FRMD4A: variants seen among roughly 807,000 people sequenced by gnomAD.
FRMD4A encodes the protein FERM domain-containing protein 4A.
A neutral mutation model predicts 129.1 loss-of-function variants in FRMD4A; 29 were observed. The ratio of observed to expected loss-of-function variants is 0.22; its 90% confidence interval spans 0.17 to 0.31. The LOEUF is 0.31. FRMD4A is among the 10% of genes least tolerant of loss of function. The pLI, the probability that FRMD4A is intolerant of heterozygous loss-of-function variation, is 1.00. For synonymous variants in FRMD4A, 634 were observed against 571.6 expected (o/e 1.11, Z -1.56); for missense variants, 1,272 against 1,375.8 (o/e 0.92, Z 1.19).
intron 2 of FRMD4A, among the ~76,000 whole-genome samples, chr10:14,028,963 C>A (rs553322460): frequency 1.7e-4 from 26 of 152,274 alleles, no homozygotes; most frequent in Admixed American, 5.2e-4. Context: ...CCACTTTAAC[C>A]GTTGATCAAA....
Position 13,657,198 on chromosome 10 carries a change from G to A in FRMD4A, c.2391C>T (p.Ser797=). The A allele has an allele frequency of 6.5e-6, 10 of 1,527,572 alleles. No individual in the cohort carries two copies. The highest frequency in any genetic ancestry group is 8.7e-6 in the Non-Finnish European group (10 of 1,144,072). The allele number at this position is 1,527,572 out of a possible 1,614,324, so 94.6% of individuals were successfully genotyped here. ...QRAAGALGSA[S]SGSMPNLAAR... ...CCGCCAGGTTGGGCATGCTGCCCGA[G>A]CTGGCTGAGCCCAGTGCGCCCGCCG... is the stretch of plus-strand genomic sequence containing the variant. The change falls in exon 22 of 25, where the codon AGC becomes AGT. Residue 797 remains serine (S), a synonymous_variant. Coordinates refer to ENST00000357447, the MANE Select transcript of FRMD4A (RefSeq NM_018027.5).
chr10:13,723,350 C>A (rs1056275981), intron 12 of FRMD4A, among the ~76,000 whole-genome samples: 2 of 152,158 alleles, frequency 1.3e-5, no homozygotes, highest in Non-Finnish European at 2.9e-5. Flanking sequence ...TATTAAAACC[C>A]TATGGTTACT....
intron 2 of FRMD4A, among the ~76,000 whole-genome samples, chr10:13,905,991 C>T (rs996060996): frequency 1.3e-5 from 2 of 152,206 alleles, no homozygotes; most frequent in African/African-American, 4.8e-5. Context: ...AGAATCATGG[C>T]ACCCGAGCAG....
At chr10:14,184,734 A>G (rs1842031347) in intron 2 of FRMD4A, among the ~76,000 whole-genome samples, 1 of 152,136 alleles carries the variant, frequency 6.6e-6, no homozygotes, top group African/African-American at 2.4e-5. Flanking sequence ...AAGTAGCCCA[A>G]ATGTGTGGCT....
chr10:13,929,872 C>T (rs753443816), intron 2 of FRMD4A, among the ~76,000 whole-genome samples: 11 of 152,016 alleles, frequency 7.2e-5, no homozygotes, highest in Non-Finnish European at 1.5e-4. Context: ...TGTCAGTTTG[C>T]TCATCTATCA....
rs373237345 is a variant in FRMD4A, at chr10:13,719,867, C to T, written c.760-12754G>A. ...CAATTCACTCAAGATATCCTCATTA[C>T]TCTGTGTTCTTTTGGTGCTATGGAC... On this transcript the variant is annotated intron_variant, in intron 12 of 24. Transcript: ENST00000357447. 5.9e-5 allele frequency among the ~76,000 whole-genome samples: 9 copies of T among 152,312 alleles called. No individual in the cohort carries two copies. The East Asian group carries it at 1.5e-3, about 26-fold the overall frequency.
At chr10:13,930,971 T>A (rs1284650788) in intron 2 of FRMD4A, among the ~76,000 whole-genome samples, 1 of 152,104 alleles carries the variant, frequency 6.6e-6, no homozygotes, top group Non-Finnish European at 1.5e-5. Flanking sequence ...TAGCTGGGAC[T>A]ACAGGTGCAC....
intron 2 of FRMD4A, among the ~76,000 whole-genome samples, chr10:13,963,464 A>T (rs1467052349): frequency 6.6e-6 from 1 of 152,162 alleles, no homozygotes; most frequent in Non-Finnish European, 1.5e-5. Context: ...CACATGTGGA[A>T]ACGTTTGGTT....
intron 3 of FRMD4A, among the ~76,000 whole-genome samples, chr10:13,835,514 C>T (rs1330934335): frequency 6.6e-6 from 1 of 152,090 alleles, no homozygotes; most frequent in African/African-American, 2.4e-5. Context: ...TATAGCAGCT[C>T]CCCATCGCGC....
At chr10:14,324,504 T>C (rs953530534) in intron 2 of FRMD4A, among the ~76,000 whole-genome samples, 4 of 152,224 alleles carry the variant, frequency 2.6e-5, no homozygotes, top group Non-Finnish European at 5.9e-5. Context: ...CATGCCTGGA[T>C]GGCCCCATTC....
chr10:14,292,702 A>C (rs1054930620), intron 2 of FRMD4A, among the ~76,000 whole-genome samples: 14 of 152,174 alleles, frequency 9.2e-5, no homozygotes, highest in Non-Finnish European at 1.6e-4. Context: ...CAGGAGGCTG[A>C]CGCAGAAGAA....
chr10:13,845,353 T>C (rs978331391), intron 3 of FRMD4A, among the ~76,000 whole-genome samples: 6 of 152,170 alleles, frequency 3.9e-5, no homozygotes, highest in African/African-American at 1.4e-4. Context: ...ATCTGGAAGG[T>C]TGGGCAGTTA....
intron 2 of FRMD4A, among the ~76,000 whole-genome samples, chr10:14,300,085 G>A (rs537032431): frequency 4.0e-5 from 6 of 151,618 alleles, no homozygotes; most frequent in African/African-American, 9.7e-5. Context: ...TTATACCTTC[G>A]TGTAGGAGCC....
Position 14,128,054 on chromosome 10 carries a change from T to TTCCC in FRMD4A, c.45+202003_45+202004insGGGA, listed in dbSNP as rs1564320062. Among the ~76,000 whole-genome samples the TTCCC allele has an allele frequency of 7.5e-3, 204 of 27,322 alleles. 3 individuals carry two copies. The highest frequency in any genetic ancestry group is 0.027 in the East Asian group (12 of 452). The allele number at this position is 27,322 out of a possible 152,430, so 17.9% of individuals were successfully genotyped here. On this transcript the variant is annotated intron_variant, in intron 2 of 24. Coordinates refer to ENST00000357447, the MANE Select transcript of FRMD4A (RefSeq NM_018027.5). ...TTCCTTCCTTTCTTTCCCTCTTTCT[T>TTCCC]TCTTTCTTTCTTTCTTTCTTTCTTT...
chr10:14,029,198 T>C (rs1012167894), intron 2 of FRMD4A, among the ~76,000 whole-genome samples: 1 of 152,010 alleles, frequency 6.6e-6, no homozygotes, highest in South Asian at 2.1e-4. Flanking sequence ...CTATGAAACA[T>C]CTCCTCCAGC....
At chr10:13,730,106 C>A (rs1022902133) in intron 12 of FRMD4A, among the ~76,000 whole-genome samples, 4 of 152,084 alleles carry the variant, frequency 2.6e-5, no homozygotes, top group African/African-American at 9.7e-5. Flanking sequence ...ACTGTGCAAC[C>A]CCCTGGTCTC....
At chr10:14,092,965 C>G (rs1836742067) in intron 2 of FRMD4A, among the ~76,000 whole-genome samples, 1 of 152,170 alleles carries the variant, frequency 6.6e-6, no homozygotes, top group Non-Finnish European at 1.5e-5. Flanking sequence ...AGTGTAAAGT[C>G]AATATGATTG....
chr10:14,330,602 G>T lies in FRMD4A; in HGVS notation c.-87C>A, dbSNP rs777032568. On this transcript the variant is annotated 5_prime_UTR_variant, in exon 1 of 25. Coordinates refer to ENST00000357447, the MANE Select transcript of FRMD4A (RefSeq NM_018027.5). ...TGCTGAATGTCACAACATACCGCTCGCAATCTGGTCAGTGTCTTCTTTGCT... is the reference window on the plus strand; with the variant it reads ...TGCTGAATGTCACAACATACCGCTCTCAATCTGGTCAGTGTCTTCTTTGCT... The T allele has an allele frequency of 5.0e-6, 2 of 399,994 alleles. No individual in the cohort carries two copies. Among genetic ancestry groups the T allele is most frequent in the Non-Finnish European group, 8.8e-6 (2 of 227,254 alleles). The allele number at this position is 399,994 out of a possible 1,614,324, so 24.8% of individuals were successfully genotyped here.
intron 24 of FRMD4A, among the ~76,000 whole-genome samples, chr10:13,649,041 G>A (rs2081335743): frequency 6.6e-6 from 1 of 152,162 alleles, no homozygotes; most frequent in Non-Finnish European, 1.5e-5. Context: ...GTTTGCCACA[G>A]AACTTCTGGA....
Sources: allele counts gnomAD v4.1 joint callset (sites outside exome capture counted in the v4.1 genomes callset), GRCh38; gene constraint gnomAD v4.1.1; transcripts MANE v1.5; gene names NCBI Gene and HGNC (gene_info 2026-07-23, HGNC 2026-07-21).